Variants in DAB1 observed in about 807,000 individuals in gnomAD.
DAB1 encodes the protein disabled homolog 1.
DAB1 carries 15 observed loss-of-function variants against 64.6 expected under a neutral mutation model. That is an observed-to-expected ratio of 0.23 (90% CI 0.16 to 0.36). DAB1 has a LOEUF of 0.36. Among genes scored for constraint, DAB1 ranks in the 10% least tolerant of loss-of-function variants. DAB1 has a pLI of 1.00. For missense variants in DAB1, 596 were observed against 706.7 expected (o/e 0.84, Z 1.78); for synonymous variants, 235 against 251.9 (o/e 0.93, Z 0.64).
At chr1:58,049,424 C>T (rs1647478891) in intron 5 of DAB1, 2 of 396,268 alleles carry the variant, frequency 5.0e-6, no homozygotes, top group African/African-American at 4.0e-5. Context: ...TGCTCAGAGT[C>T]ATTCAGCAAC....
chr1:58,114,091 CAAAAAAA>C (rs530606878), intron 5 of DAB1, among the ~76,000 whole-genome samples: 3 of 109,982 alleles, frequency 2.7e-5, no homozygotes, highest in Non-Finnish European at 4.4e-5. Context: ...TACTAAAATA[CAAAAAAA>C]AAAAAAAAAA....
At chr1:58,379,754 C>G (rs1644370721) in intron 3 of DAB1, among the ~76,000 whole-genome samples, 1 of 152,162 alleles carries the variant, frequency 6.6e-6, no homozygotes, top group African/African-American at 2.4e-5. Context: ...TATATAAAGT[C>G]AAGCTGGGAT....
chr1:57,668,432 A>G (rs4076378), intron 6 of DAB1, among the ~76,000 whole-genome samples: 44,223 of 152,050 alleles, frequency 0.29, 7,106 homozygotes, highest in Non-Finnish European at 0.38. Flanking sequence ...TATGAAATAT[A>G]GGACACTATA....
chr1:58,119,225 CGTGTGTGT>C (rs35994489), intron 5 of DAB1, among the ~76,000 whole-genome samples: 8 of 146,880 alleles, frequency 5.4e-5, no homozygotes, highest in African/African-American at 7.5e-5. Context: ...TGTGTGTGTG[CGTGTGTGT>C]GTGTGTGTGT....
chr1:57,490,687 A>G (rs185496516), intron 7 of DAB1, among the ~76,000 whole-genome samples: 2 of 152,344 alleles, frequency 1.3e-5, no homozygotes, highest in East Asian at 3.9e-4. Flanking sequence ...AATGTTATTT[A>G]ACAAAAAGTC....
chr1:58,164,370 T>G (rs11802821), intron 4 of DAB1, among the ~76,000 whole-genome samples: 28,631 of 152,038 alleles, frequency 0.19, 2,887 homozygotes, highest in East Asian at 0.37. Flanking sequence ...GATACTGAAA[T>G]CAGTGGTGAG....
chr1:58,441,429 T>C (rs1645006822), intron 3 of DAB1, among the ~76,000 whole-genome samples: 1 of 152,192 alleles, frequency 6.6e-6, no homozygotes, highest in Non-Finnish European at 1.5e-5. Flanking sequence ...ATCATGACTA[T>C]TGTTTTCTTA....
intron 6 of DAB1, among the ~76,000 whole-genome samples, chr1:57,693,540 G>C (rs1240445472): frequency 1.3e-5 from 2 of 152,126 alleles, no homozygotes; most frequent in Admixed American, 6.6e-5. Context: ...GATGTGGGTG[G>C]GGCCAAATAA....
intron 4 of DAB1, among the ~76,000 whole-genome samples, chr1:58,312,943 T>C (rs1172049266): frequency 3.3e-5 from 5 of 152,208 alleles, no homozygotes; most frequent in African/African-American, 9.6e-5. Flanking sequence ...TTCACAACTA[T>C]ATTGCACTTA....
In DAB1 at chr1:57,678,933, ATT is replaced by A. The variant is rs11349766; in HGVS notation, n.552-29270_552-29269del. Among the ~76,000 whole-genome samples, 143 of 148,950 alleles carry A rather than the reference ATT, an allele frequency of 9.6e-4. No individual in the cohort carries two copies. In the East Asian group the frequency reaches 0.025, roughly 26 times the overall value. On this transcript the variant is annotated intron_variant and non_coding_transcript_variant, in intron 6 of 20. Transcript: ENST00000485760. ...AAGCGCCTGCCACCATGCCCGGCTA[ATT>A]TTTTTTTTTGTATTTTTCGTAGAGA...
chr1:58,006,897 T>C (rs1646592693), intron 5 of DAB1, among the ~76,000 whole-genome samples: 1 of 152,244 alleles, frequency 6.6e-6, no homozygotes, highest in Non-Finnish European at 1.5e-5. Flanking sequence ...GAGTCTTAAA[T>C]CTGGCCTTAA....
intron 2 of DAB1, among the ~76,000 whole-genome samples, chr1:57,193,032 C>T (rs72917155): frequency 0.037 from 5,652 of 152,142 alleles, 211 homozygotes; most frequent in African/African-American, 0.097. Flanking sequence ...AAACAACATA[C>T]GTATTACCTC....
chr1:58,190,866 G>A (rs1285767732), intron 4 of DAB1, among the ~76,000 whole-genome samples: 2 of 152,216 alleles, frequency 1.3e-5, no homozygotes, highest in South Asian at 2.1e-4. Context: ...GCGGAGAACC[G>A]TGTTCTAGCT....
At chr1:58,312,135 G>C (rs1662444688) in intron 4 of DAB1, among the ~76,000 whole-genome samples, 1 of 152,142 alleles carries the variant, frequency 6.6e-6, no homozygotes, top group Non-Finnish European at 1.5e-5. Flanking sequence ...ATGAGGCCAA[G>C]GTGCTACCAA....
chr1:57,562,415 G>A (rs1264429823), intron 7 of DAB1, among the ~76,000 whole-genome samples: 2 of 152,128 alleles, frequency 1.3e-5, no homozygotes, highest in African/African-American at 2.4e-5. Flanking sequence ...GGGGGCTCAT[G>A]CTCATGGAAT....
chr1:57,346,186 C>T (rs1678071656), intron 1 of DAB1, among the ~76,000 whole-genome samples: 1 of 151,996 alleles, frequency 6.6e-6, no homozygotes, highest in African/African-American at 2.4e-5. Flanking sequence ...GTAATCAGCC[C>T]CAGTGTGGCA....
At chr1:57,819,807 C>A (rs945276932) in intron 6 of DAB1, among the ~76,000 whole-genome samples, 2 of 151,938 alleles carry the variant, frequency 1.3e-5, no homozygotes, top group Non-Finnish European at 2.9e-5. Context: ...AAAGAGGCAC[C>A]AAAGGGGAAT....
At chr1:57,214,152 T>C (rs1337742589) in intron 2 of DAB1, among the ~76,000 whole-genome samples, 1 of 152,176 alleles carries the variant, frequency 6.6e-6, no homozygotes, top group Non-Finnish European at 1.5e-5. Flanking sequence ...AAGTCCAAGA[T>C]CAAGGGGCCA....
intron 4 of DAB1, among the ~76,000 whole-genome samples, chr1:58,247,257 T>TA (rs1557712867): frequency 9.9e-6 from 1 of 101,360 alleles, no homozygotes; most frequent in African/African-American, 3.7e-5. Flanking sequence ...CATTTTTCAT[T>TA]TCCCCCCCCG....
Sources: allele counts gnomAD v4.1 joint callset (sites outside exome capture counted in the v4.1 genomes callset), GRCh38; gene constraint gnomAD v4.1.1; transcripts MANE v1.5; gene names NCBI Gene and HGNC (gene_info 2026-07-23, HGNC 2026-07-21).